LAMA4: variants seen among roughly 807,000 people sequenced by gnomAD.
LAMA4 encodes the protein laminin subunit alpha 4.
Under a neutral mutation model 207.1 loss-of-function variants are expected in LAMA4, and 127 were observed. The observed-to-expected ratio is 0.61, with a 90% CI of 0.53 to 0.71. The LOEUF is 0.71. Among genes scored for constraint, LAMA4 ranks in the 30% least tolerant of loss-of-function variants. The pLI is 0.00. For synonymous variants in LAMA4, 761 were observed against 816.0 expected (o/e 0.93, Z 1.15); for missense variants, 2,093 against 2,246.5 (o/e 0.93, Z 1.38).
At chr6:112,212,531 G>A (rs530412900) in intron 3 of LAMA4, among the ~76,000 whole-genome samples, 8 of 152,170 alleles carry the variant, frequency 5.3e-5, no homozygotes, top group Admixed American at 3.3e-4. Context: ...GCCAGTTTCT[G>A]TCATATTCTT....
intron 12 of LAMA4, among the ~76,000 whole-genome samples, chr6:112,168,983 T>A (rs1206696858): frequency 6.6e-6 from 1 of 152,112 alleles, no homozygotes; most frequent in African/African-American, 2.4e-5. Context: ...GTGCACGGTC[T>A]CCAGTGGCTA....
At chr6:112,234,125 T>C (rs923588384) in intron 2 of LAMA4, 2 of 152,154 alleles carry the variant, frequency 1.3e-5, no homozygotes, top group African/African-American at 4.8e-5. Flanking sequence ...AACTTATACA[T>C]AGGAAGAACG....
Position 112,189,183 on chromosome 6 carries a change from T to C in LAMA4, c.741A>G (p.Pro247=). The C allele has an allele frequency of 1.2e-6, 2 of 1,614,016 alleles. No individual in the cohort carries two copies. The highest frequency in any genetic ancestry group is 2.2e-5 in the South Asian group (2 of 91,078). ...NCAVCNCGGG[P]CDSVTGECLE... ...AGCATTCTCCGGTTACACTGTCACA[T>C]GGGCCTCCCCCGCAGTTGCACACTG... Residue 247 remains proline (P), a synonymous_variant, in exon 7 of 39, where the codon CCA becomes CCG. Transcript: ENST00000230538.
At chr6:112,193,036 T>G (rs533708779) in intron 5 of LAMA4, among the ~76,000 whole-genome samples, 1 of 152,354 alleles carries the variant, frequency 6.6e-6, no homozygotes, top group Non-Finnish European at 1.5e-5. Flanking sequence ...TGGCTGATTG[T>G]GCACTCTCTT....
At chr6:112,231,852 A>G (rs547251790) in intron 2 of LAMA4, among the ~76,000 whole-genome samples, 1 of 152,286 alleles carries the variant, frequency 6.6e-6, no homozygotes, top group East Asian at 1.9e-4. Flanking sequence ...ATCCTTCAAC[A>G]CTAAGGAAGG....
chr6:112,217,502 G>A (rs892498105), intron 2 of LAMA4: 5 of 151,960 alleles, frequency 3.3e-5, no homozygotes, highest in African/African-American at 1.2e-4. Flanking sequence ...CTTCCCTGGC[G>A]ACCAGGAAAT....
chr6:112,120,330 G>A lies in LAMA4; in HGVS notation c.4618C>T (p.Leu1540=), dbSNP rs1554325714. The part of the protein sequence containing the change: ...VYMFNVGHKK[L]KIRSQEKYND... ...TATTTCTCCTGGCTTCTAATCTTCA[G>A]TTTTTTGTGACCAACATTAAACATG... Residue 1540 remains leucine (L), a synonymous_variant, in exon 33 of 39, where the codon CTG becomes TTG. Transcript: ENST00000230538. 1 of 1,613,510 alleles carries A rather than the reference G, an allele frequency of 6.2e-7. No homozygotes were observed. The highest frequency in any genetic ancestry group is 1.1e-5 in the South Asian group (1 of 91,022).
chr6:112,209,865 A>G (rs1291703228), intron 3 of LAMA4, among the ~76,000 whole-genome samples: 3 of 152,182 alleles, frequency 2.0e-5, no homozygotes, highest in Non-Finnish European at 4.4e-5. Context: ...TTGAATTTTA[A>G]TCCCCAGTGT....
At position 112,207,125 on chromosome 6, in the gene LAMA4, TG is replaced by T; in HGVS notation, c.317del (p.Thr106LysfsTer92). On this transcript the variant is annotated frameshift_variant, in exon 4 of 39. Transcript: ENST00000230538. LOFTEE classifies it high-confidence loss of function. ...CCAGACACTTTTCACAGTGCTCTCC[TG>T]TTGTGTTCCGCTGGCAGTGCTATGA... ...GYCVHCQRNTTGEHCEKCLDG... is the reference protein window; with the variant it reads ...GYCVHCQRNTXGEHCEKCLDG... 6.2e-7 allele frequency: 1 copy of T among 1,614,036 alleles called. No homozygotes were observed. Among genetic ancestry groups the T allele is most frequent in the Non-Finnish European group, 8.5e-7 (1 of 1,179,970 alleles).
At chr6:112,170,998 G>C (rs900951504) in intron 12 of LAMA4, among the ~76,000 whole-genome samples, 1 of 152,194 alleles carries the variant, frequency 6.6e-6, no homozygotes, top group Non-Finnish European at 1.5e-5. Flanking sequence ...GTGAGGCTGA[G>C]GAGGCTGGTA....
chr6:112,204,235 A>G (rs558772719), intron 4 of LAMA4, among the ~76,000 whole-genome samples: 22 of 152,302 alleles, frequency 1.4e-4, no homozygotes, highest in African/African-American at 4.8e-4. Context: ...CTGGCACATA[A>G]TAAGTACTGA....
chr6:112,227,878 A>G (rs1785311503), intron 2 of LAMA4, among the ~76,000 whole-genome samples: 1 of 152,098 alleles, frequency 6.6e-6, no homozygotes, highest in South Asian at 2.1e-4. Flanking sequence ...CCGAGGCTAC[A>G]TGTGCAACTC....
intron 8 of LAMA4, chr6:112,187,168 C>T (rs1782734571): frequency 2.0e-6 from 1 of 509,268 alleles, no homozygotes; most frequent in Admixed American, 3.2e-5. Context: ...TTTCTCTTTC[C>T]TCAGTAGTTT....
chr6:112,188,001 T>C (rs565379869), intron 7 of LAMA4, among the ~76,000 whole-genome samples: 36 of 152,232 alleles, frequency 2.4e-4, no homozygotes, highest in Admixed American at 9.1e-4. Flanking sequence ...CGTGGGCACA[T>C]GGGGAGGCAG....
chr6:112,138,028 T>C (rs1779458697), intron 24 of LAMA4, among the ~76,000 whole-genome samples: 1 of 152,164 alleles, frequency 6.6e-6, no homozygotes, highest in South Asian at 2.1e-4. Context: ...AATTTTTCTA[T>C]TGTTGCTTTT....
Position 112,169,904 on chromosome 6 carries a change from G to C in LAMA4, c.1551+2707C>G, listed in dbSNP as rs537267001. Among the ~76,000 whole-genome samples the C allele has an allele frequency of 5.9e-5, 9 of 152,338 alleles. No individual in the cohort carries two copies. In the East Asian group the frequency reaches 7.7e-4, roughly 13 times the overall value. ...GCTTGTTACATTTACAAAGTCCACTGTGTTTTGCACACACCCTGACATTTA... is the reference window on the plus strand; with the variant it reads ...GCTTGTTACATTTACAAAGTCCACTCTGTTTTGCACACACCCTGACATTTA... On this transcript the variant is annotated intron_variant, in intron 12 of 38. Transcript: ENST00000230538.
intron 32 of LAMA4, chr6:112,121,712 T>C (rs1035611062): frequency 5.5e-6 from 2 of 364,174 alleles, no homozygotes; most frequent in East Asian, 6.7e-5. Flanking sequence ...GGGATATCAA[T>C]GTTAGATGAT....
chr6:112,237,142 T>C (rs1484543127), intron 2 of LAMA4, among the ~76,000 whole-genome samples: 1 of 152,150 alleles, frequency 6.6e-6, no homozygotes, highest in Admixed American at 6.5e-5. Context: ...AATTTCCTAA[T>C]TTCCTTGAAA....
intron 26 of LAMA4, 84 bp downstream of exon 26, chr6:112,134,383 C>G: frequency 7.4e-7 from 1 of 1,356,772 alleles, no homozygotes; most frequent in South Asian, 1.2e-5. Flanking sequence ...AGTAAGGGTG[C>G]GTACACTGTT....
Sources: allele counts gnomAD v4.1 joint callset (sites outside exome capture counted in the v4.1 genomes callset), GRCh38; gene constraint gnomAD v4.1.1; transcripts MANE v1.5; gene names NCBI Gene and HGNC (gene_info 2026-07-23, HGNC 2026-07-21).